LRRC40: variants seen among roughly 807,000 people sequenced by gnomAD.
LRRC40 encodes the protein leucine rich repeat containing 40.
In LRRC40, 76 loss-of-function variants were observed where a neutral mutation model predicts 72.8. The ratio of observed to expected loss-of-function variants is 1.04; its 90% CI spans 0.87 to 1.26. The LOEUF is 1.26. Ranked by LOEUF, LRRC40 falls within the 50% of genes most tolerant of loss-of-function variation. The pLI is 0.00. For synonymous variants in LRRC40, 243 were observed against 254.2 expected, an observed-to-expected ratio of 0.96 and a Z score of 0.42; for missense variants, 684 against 698.9, an observed-to-expected ratio of 0.98 and a Z score of 0.24.
chr1:70,195,314 G>A (rs1668583586), intron 1 of LRRC40, among the ~76,000 whole-genome samples: 1 of 151,110 alleles, frequency 6.6e-6, no homozygotes, highest in Non-Finnish European at 1.5e-5. Context: ...AGATATCTGA[G>A]ACGGAATTGT....
chr1:70,166,040 T>C (rs1347657410), intron 9 of LRRC40, among the ~76,000 whole-genome samples: 3 of 152,222 alleles, frequency 2.0e-5, no homozygotes, highest in Non-Finnish European at 4.4e-5. Context: ...TTCAGTTCTA[T>C]TTGAAATTCC....
At chr1:70,192,840 T>C (rs1006934045) in intron 1 of LRRC40, among the ~76,000 whole-genome samples, 10 of 151,824 alleles carry the variant, frequency 6.6e-5, no homozygotes, top group Non-Finnish European at 1.3e-4. Context: ...AGGGAGAGGA[T>C]CAGAAAAAAA....
At chr1:70,177,119 T>G (rs991311250) in intron 6 of LRRC40, among the ~76,000 whole-genome samples, 1 of 151,926 alleles carries the variant, frequency 6.6e-6, no homozygotes, top group South Asian at 2.1e-4. Context: ...CTATTAAATA[T>G]ACAGAAATTA....
At chr1:70,181,477 T>C (rs1287859710) in intron 4 of LRRC40, among the ~76,000 whole-genome samples, 1 of 152,062 alleles carries the variant, frequency 6.6e-6, no homozygotes, top group African/African-American at 2.4e-5. Flanking sequence ...ATATTTTACA[T>C]AACGGATTCT....
At chr1:70,148,148 A>C (rs1667360944) in intron 14 of LRRC40, 1 of 163,938 alleles carries the variant, frequency 6.1e-6, no homozygotes, top group Admixed American at 6.2e-5. Flanking sequence ...AAAAAAAAAA[A>C]AAAAAAAAAC....
At chr1:70,169,087 A>G (rs1667948561) in intron 9 of LRRC40, among the ~76,000 whole-genome samples, 1 of 152,184 alleles carries the variant, frequency 6.6e-6, no homozygotes, top group African/African-American at 2.4e-5. Flanking sequence ...GGGGGAGAAC[A>G]ATTGTTCCAA....
chr1:70,194,858 CA>C (rs1668575450), intron 1 of LRRC40, among the ~76,000 whole-genome samples: 1 of 152,002 alleles, frequency 6.6e-6, no homozygotes, highest in Non-Finnish European at 1.5e-5. Flanking sequence ...GTAGTATTAG[CA>C]TAAGGATAAA....
chr1:70,153,214 T>C (rs1383567544), intron 11 of LRRC40, among the ~76,000 whole-genome samples: 1 of 151,868 alleles, frequency 6.6e-6, no homozygotes, highest in Non-Finnish European at 1.5e-5. Context: ...CACAAAAAAT[T>C]AGCCAGGCAT....
intron 1 of LRRC40, among the ~76,000 whole-genome samples, chr1:70,190,695 A>C (rs902987227): frequency 1.4e-5 from 2 of 148,128 alleles, no homozygotes; most frequent in Admixed American, 6.7e-5. Flanking sequence ...AAAAAAAAAA[A>C]ACTTAAAAAA....
chr1:70,173,379 C>A, intron 9 of LRRC40, 86 bp downstream of exon 9: 1 of 951,314 alleles, frequency 1.1e-6, no homozygotes. Context: ...AATATGTATA[C>A]CCAAAAGACA....
At position 70,152,507 on chromosome 1, in the gene LRRC40, A is replaced by G. The variant is rs1424579189; in HGVS notation, c.1365T>C (p.Asp455=). The stretch of plus-strand genomic sequence containing the variant: ...TAAAGGAAAGTTTATTAAAACTGAG[A>G]TCGACATCAGAAACCATTTCCTTCA... ...VELKEMVSDV[D]LSFNKLSFIS... Residue 455 remains aspartate (D), a synonymous_variant, in exon 12 of 15, where the codon GAT becomes GAC. Coordinates refer to ENST00000370952, the MANE Select transcript of LRRC40 (RefSeq NM_017768.5). 2 of 1,606,912 alleles carry G rather than the reference A, an allele frequency of 1.2e-6. No individual in the cohort carries two copies. Among genetic ancestry groups the G allele is most frequent in the Non-Finnish European group, 1.7e-6 (2 of 1,174,236 alleles).
At chr1:70,164,969 T>A (rs1223585066) in intron 9 of LRRC40, among the ~76,000 whole-genome samples, 1 of 152,166 alleles carries the variant, frequency 6.6e-6, no homozygotes, top group Non-Finnish European at 1.5e-5. Flanking sequence ...TTTAGATGAA[T>A]CAAGGACATT....
At chr1:70,178,337 T>C (rs1668155818) in intron 6 of LRRC40, among the ~76,000 whole-genome samples, 1 of 152,230 alleles carries the variant, frequency 6.6e-6, no homozygotes, top group South Asian at 2.1e-4. Flanking sequence ...GTTCATTTTA[T>C]ATATCATCAC....
rs375845581 is a variant in LRRC40, at chr1:70,200,801, TAGAG to T, written c.151+4585_151+4588del. ...CCATAAAATGTCTCATATATGTGTA[TAGAG>T]AGAGAGAAAAAAAGAGAGCGTGCAA... On this transcript the variant is annotated intron_variant, in intron 1 of 14. Transcript: ENST00000370952. 2.3e-3 allele frequency among the ~76,000 whole-genome samples: 344 copies of T among 152,200 alleles called. 2 individuals are homozygous for T. Among genetic ancestry groups the T allele is most frequent in the African/African-American group, 7.7e-3 (321 of 41,530 alleles).
intron 9 of LRRC40, among the ~76,000 whole-genome samples, chr1:70,172,959 A>C (rs1330721445): frequency 6.6e-6 from 1 of 151,900 alleles, no homozygotes; most frequent in Admixed American, 6.6e-5. Context: ...GGTATATGAC[A>C]TGTTTAGTGA....
Position 70,205,529 on chromosome 1 carries a change from C to G in LRRC40, c.12G>C (p.Leu4=). 1.3e-6 allele frequency: 2 copies of G among 1,596,034 alleles called. No homozygotes were observed. The highest frequency in any genetic ancestry group is 1.7e-6 in the Non-Finnish European group (2 of 1,166,274). MSR[L]KRIAGQDLRA... ...GGAGATCCTGCCCCGCTATCCGCTT[C>G]AGGCGCGACATGTTCAAAGTCCTAG... The change falls in exon 1 of 15, where the codon CTG becomes CTC. Residue 4 remains leucine, a synonymous_variant. Coordinates refer to ENST00000370952, the MANE Select transcript of LRRC40 (RefSeq NM_017768.5).
At position 70,159,425 on chromosome 1, in the gene LRRC40, G is replaced by A; in HGVS notation, c.1125C>T (p.Ser375=). The change falls in exon 10 of 15, where the codon AGC becomes AGT. Residue 375 remains serine (S), a synonymous_variant. Transcript: ENST00000370952. ...CAGTCTCAGTAGCAGACTCACTTTG[G>A]CTAGGTCCATCATCTGGCAAAAGAA... ...LRSKIKDDGP[S]QSESATETAM... The A allele has an allele frequency of 6.3e-7, 1 of 1,578,516 alleles. No homozygotes were observed. Among genetic ancestry groups the A allele is most frequent in the South Asian group, 1.2e-5 (1 of 86,880 alleles).
intron 3 of LRRC40, 102 bp from the exon 4 acceptor site, chr1:70,185,016 C>A: frequency 1.1e-6 from 1 of 910,718 alleles, no homozygotes. Flanking sequence ...TCATAAAAAT[C>A]AAATATAGTT....
chr1:70,163,937 T>C (rs1194053898), intron 9 of LRRC40, among the ~76,000 whole-genome samples: 8 of 152,028 alleles, frequency 5.3e-5, no homozygotes, highest in African/African-American at 1.7e-4. Flanking sequence ...TTATAAACAA[T>C]AGACATTTAT....
Sources: allele counts gnomAD v4.1 joint callset (sites outside exome capture counted in the v4.1 genomes callset), GRCh38; gene constraint gnomAD v4.1.1; transcripts MANE v1.5; gene names NCBI Gene and HGNC (gene_info 2026-07-23, HGNC 2026-07-21).